RRM2: variants seen among roughly 807,000 people sequenced by gnomAD.
RRM2 encodes ribonucleoside-diphosphate reductase subunit M2.
In RRM2, 6 loss-of-function variants were observed where a neutral mutation model predicts 45.9. The observed-to-expected ratio is 0.13, with a 90% CI of 0.07 to 0.26. The LOEUF is 0.26. RRM2 is among the 10% of genes least tolerant of loss of function. The pLI, the probability that RRM2 is intolerant of heterozygous loss-of-function variation, is 1.00. For missense variants in RRM2, 343 were observed against 489.5 expected (o/e 0.70, Z 2.82); for synonymous variants, 177 against 173.0 (o/e 1.02, Z -0.18).
chr2:10,193,535 G>A (rs568234482), intron 3 of RRM2, among the ~76,000 whole-genome samples: 14 of 152,382 alleles, frequency 9.2e-5, no homozygotes, highest in South Asian at 8.3e-4. Context: ...CCAGCCGAGC[G>A]CGCCTGCAGG....
At chr2:10,126,800 C>G (rs958764802) in intron 5 of RRM2, 75 bp from the exon 6 acceptor site, 1 of 1,103,396 alleles carries the variant, frequency 9.1e-7, no homozygotes, top group Non-Finnish European at 1.3e-6. Context: ...TGTCCCAGAG[C>G]TCTTATCTAG....
chr2:10,209,196 T>C (rs1330851627), intron 3 of RRM2, among the ~76,000 whole-genome samples: 1 of 151,976 alleles, frequency 6.6e-6, no homozygotes, highest in Non-Finnish European at 1.5e-5. Context: ...TAGCTGGGAT[T>C]ATAGACATGC....
intron 3 of RRM2, among the ~76,000 whole-genome samples, chr2:10,162,267 C>G (rs995969710): frequency 6.6e-6 from 1 of 152,182 alleles, no homozygotes; most frequent in Non-Finnish European, 1.5e-5. Context: ...TGTGGAGCCG[C>G]CCGTCGTTCA....
chr2:10,134,331 GACGTGCA>G (rs1662954224), downstream of RRM2, among the ~76,000 whole-genome samples: 1 of 152,154 alleles, frequency 6.6e-6, no homozygotes, highest in Non-Finnish European at 1.5e-5. Flanking sequence ...GGCAGGGGCT[GACGTGCA>G]ATTGGATTTG....
chr2:10,166,262 A>C (rs906631496), intron 3 of RRM2, among the ~76,000 whole-genome samples: 8 of 152,342 alleles, frequency 5.3e-5, no homozygotes, highest in Admixed American at 4.6e-4. Flanking sequence ...TCCAGAGCTG[A>C]GTGCGGGAGA....
chr2:10,197,413 AG>A (rs1250759290), intron 3 of RRM2, among the ~76,000 whole-genome samples: 2 of 152,186 alleles, frequency 1.3e-5, no homozygotes, highest in African/African-American at 4.8e-5. Context: ...TCCTGGGCAC[AG>A]GGGCTGCTCA....
chr2:10,190,037 GATGGTGGTA>G (rs1664252979), intron 3 of RRM2, among the ~76,000 whole-genome samples: 1 of 152,002 alleles, frequency 6.6e-6, no homozygotes, highest in East Asian at 1.9e-4. Flanking sequence ...TGATGGTGGT[GATGGTGGTA>G]TTGGTGGTGA....
chr2:10,183,954 G>A (rs1384189899), intron 3 of RRM2, among the ~76,000 whole-genome samples: 1 of 151,766 alleles, frequency 6.6e-6, no homozygotes, highest in Non-Finnish European at 1.5e-5. Flanking sequence ...TCAGCCAGGC[G>A]TGATGGCAGG....
downstream of RRM2, among the ~76,000 whole-genome samples, chr2:10,132,344 T>A (rs148037519): frequency 6.6e-6 from 1 of 152,074 alleles, no homozygotes; most frequent in African/African-American, 2.4e-5. Context: ...ATCTGAATTG[T>A]TGGGCAGTGG....
chr2:10,184,269 G>C (rs779271495), intron 3 of RRM2, among the ~76,000 whole-genome samples: 106 of 152,078 alleles, frequency 7.0e-4, no homozygotes, highest in Non-Finnish European at 1.3e-3. Flanking sequence ...TTTCATCAGG[G>C]GGCTTGCAGT....
chr2:10,137,602 G>A (rs926678573), upstream of RRM2, among the ~76,000 whole-genome samples: 4 of 152,240 alleles, frequency 2.6e-5, no homozygotes, highest in Non-Finnish European at 4.4e-5. Flanking sequence ...TGCTAGAAAG[G>A]TAGCTTATGG....
intron 3 of RRM2, among the ~76,000 whole-genome samples, chr2:10,150,231 AG>A (rs1274008464): frequency 6.6e-6 from 1 of 152,082 alleles, no homozygotes; most frequent in Non-Finnish European, 1.5e-5. Context: ...GTGGATCACG[AG>A]GTCAGGAGAT....
intron 3 of RRM2, among the ~76,000 whole-genome samples, chr2:10,154,030 T>C (rs1255124703): frequency 6.6e-6 from 1 of 152,246 alleles, no homozygotes; most frequent in Non-Finnish European, 1.5e-5. Flanking sequence ...ATTAAAATGG[T>C]ACATTGGGTT....
chr2:10,201,352 A>G (rs1189514411), intron 3 of RRM2, among the ~76,000 whole-genome samples: 1 of 152,172 alleles, frequency 6.6e-6, no homozygotes, highest in Non-Finnish European at 1.5e-5. Flanking sequence ...TCAAAAGAAA[A>G]GCCTCTTTGA....
chr2:10,157,727 CCT>C (rs1168730763), intron 3 of RRM2, among the ~76,000 whole-genome samples: 4 of 152,116 alleles, frequency 2.6e-5, no homozygotes, highest in East Asian at 3.8e-4. Context: ...TCATTCTACC[CCT>C]GATTGGCATT....
At chr2:10,157,173 C>T (rs907367865) in intron 3 of RRM2, among the ~76,000 whole-genome samples, 21 of 151,940 alleles carry the variant, frequency 1.4e-4, no homozygotes, top group African/African-American at 2.7e-4. Context: ...GGACTACAGG[C>T]GCCCGCCACC....
chr2:10,123,241 CT>C, intron 2 of RRM2, 145 bp from the exon 3 acceptor site: 1 of 1,293,560 alleles, frequency 7.7e-7, no homozygotes. Context: ...CGCTCCTCTG[CT>C]GCGACCCACG....
chr2:10,207,346 C>T (rs1262683228), intron 3 of RRM2, among the ~76,000 whole-genome samples: 1 of 152,166 alleles, frequency 6.6e-6, no homozygotes, highest in Non-Finnish European at 1.5e-5. Context: ...AGCCCCTGAA[C>T]CCCTCTGATC....
intron 5 of RRM2, among the ~76,000 whole-genome samples, chr2:10,125,201 C>T (rs1662753463): frequency 6.6e-6 from 1 of 152,098 alleles, no homozygotes; most frequent in Admixed American, 6.6e-5. Flanking sequence ...GTGGGATGGA[C>T]GGGGAGGACT....
Sources: allele counts gnomAD v4.1 joint callset (sites outside exome capture counted in the v4.1 genomes callset), GRCh38; gene constraint gnomAD v4.1.1; transcripts MANE v1.5; gene names NCBI Gene and HGNC (gene_info 2026-07-23, HGNC 2026-07-21).